The following GALNT16 variants were observed in gnomAD, a reference collection of about 807,000 sequenced individuals.
GALNT16 encodes polypeptide N-acetylgalactosaminyltransferase 16, also known as UDP-GalNAc:polypeptide N-acetylgalactosaminyltransferase-like protein 1.
A neutral mutation model predicts 76.1 loss-of-function variants in GALNT16; 40 were observed. That is an observed-to-expected ratio of 0.53 (90% CI 0.41 to 0.68). The LOEUF is 0.68. Among genes scored for constraint, GALNT16 ranks in the 30% least tolerant of loss-of-function variants. The pLI, the probability that GALNT16 is intolerant of heterozygous loss-of-function variation, is 0.00. For missense variants in GALNT16, 621 were observed against 731.9 expected (o/e 0.85, Z 1.75); for synonymous variants, 276 against 285.2 (o/e 0.97, Z 0.32).
chr14:69,377,733 G>GGAGATT, the GALNT16 span, among the ~76,000 whole-genome samples: 1 of 143,066 alleles, frequency 7.0e-6, no homozygotes, highest in Admixed American at 7.5e-5. Context: ...CCTGAGCCTG[G>GGAGATT]GAGATTGAGG....
Position 69,333,704 on chromosome 14 carries a change from A to C in GALNT16, c.967+104A>C. 1 of 670,462 alleles carries C rather than the reference A, an allele frequency of 1.5e-6. No homozygotes were observed. The highest frequency in any genetic ancestry group is 1.7e-5 in the South Asian group (1 of 58,590). The allele number at this position is 670,462 out of a possible 1,614,324, so 41.5% of individuals were successfully genotyped here. ...CGTGAGGACCTGCTCTAAGGACTTTACACACATGAGGTCATTTAATTCTCT... is the reference window on the plus strand; with the variant it reads ...CGTGAGGACCTGCTCTAAGGACTTTCCACACATGAGGTCATTTAATTCTCT... On this transcript the variant is annotated intron_variant, in intron 9 of 14. Coordinates refer to ENST00000448469, the MANE Select transcript of GALNT16 (RefSeq NM_001168368.2). This position sits in a 1 kb window ranked among gnomAD's most constrained non-coding sequence, Gnocchi z 4.2.
At chr14:69,274,912 G>A (rs1346323321) in intron 1 of GALNT16, among the ~76,000 whole-genome samples, 5 of 152,154 alleles carry the variant, frequency 3.3e-5, no homozygotes, top group Non-Finnish European at 4.4e-5. Flanking sequence ...CTTGCCAACA[G>A]AGCCAGGATT....
At chr14:69,340,588 G>A (rs550960130) in intron 11 of GALNT16, among the ~76,000 whole-genome samples, 8 of 151,790 alleles carry the variant, frequency 5.3e-5, no homozygotes, top group African/African-American at 1.7e-4. Context: ...GGGTTCAAGC[G>A]ATTCTCCTGC....
intron 1 of GALNT16, 112 bp from the exon 2 acceptor site, chr14:69,320,599 T>C: frequency 1.2e-6 from 1 of 822,072 alleles, no homozygotes; most frequent in Non-Finnish European, 2.0e-6. Context: ...AGAGTTGGCG[T>C]AAGGCACAAA....
chr14:69,338,063 C>T (rs571611523), intron 9 of GALNT16, among the ~76,000 whole-genome samples: 1 of 152,226 alleles, frequency 6.6e-6, no homozygotes, highest in Non-Finnish European at 1.5e-5. Flanking sequence ...TCTCCCGACA[C>T]CACTGGGGAC....
chr14:69,270,747 G>A (rs1480164152), intron 1 of GALNT16, among the ~76,000 whole-genome samples: 2 of 152,220 alleles, frequency 1.3e-5, no homozygotes, highest in Non-Finnish European at 2.9e-5. Context: ...CTCTCCCTGT[G>A]GAAGTTCTCA....
At chr14:69,327,432 A>T (rs2045300034) in intron 5 of GALNT16, among the ~76,000 whole-genome samples, 1 of 152,242 alleles carries the variant, frequency 6.6e-6, no homozygotes, top group South Asian at 2.1e-4. Context: ...AGACCTTCAA[A>T]CCAGAATGGA....
At position 69,333,418 on chromosome 14, in the gene GALNT16, T is replaced by C. The variant is rs2045381127; in HGVS notation, c.864-79T>C. On this transcript the variant is annotated intron_variant, in intron 8 of 14. Transcript: ENST00000448469. This position sits in a 1 kb window ranked among gnomAD's most constrained non-coding sequence, Gnocchi z 4.2. Reference sequence around the variant, plus strand: ...CAGGGAGGGATCTAGAGGCAGACGGTCTTGGGTCCTGGGGCCATCTAAAGG... The same window carrying C: ...CAGGGAGGGATCTAGAGGCAGACGGCCTTGGGTCCTGGGGCCATCTAAAGG... 2.8e-5 allele frequency: 24 copies of C among 863,512 alleles called. No individual in the cohort carries two copies. The highest frequency in any genetic ancestry group is 3.9e-6 in the Non-Finnish European group (2 of 509,590). 53.5% of individuals were successfully genotyped at this position (863,512 alleles called of 1,614,324 possible). A position where few individuals can be genotyped will look rare whatever the true frequency, so the allele number is the denominator to read the frequency against.
chr14:69,372,933 A>G, the GALNT16 span, among the ~76,000 whole-genome samples: 1 of 152,182 alleles, frequency 6.6e-6, no homozygotes, highest in African/African-American at 2.4e-5. Context: ...GGGATTTGCA[A>G]AATAATTGGG....
At chr14:69,283,170 G>A (rs2044566601) in intron 1 of GALNT16, among the ~76,000 whole-genome samples, 1 of 152,196 alleles carries the variant, frequency 6.6e-6, no homozygotes, top group Admixed American at 6.5e-5. Flanking sequence ...TCAATAAAAT[G>A]AGCATGATTA....
intron 2 of GALNT16, among the ~76,000 whole-genome samples, chr14:69,322,104 G>A (rs560478243): frequency 5.4e-4 from 82 of 152,358 alleles, no homozygotes; most frequent in Non-Finnish European, 9.6e-4. Context: ...ACAGGGCTGG[G>A]GGAGCCCCAG....
In GALNT16 at chr14:69,333,754, A is replaced by G. The variant is rs1222066991; in HGVS notation, c.967+154A>G. ...TCAAGGACCCTCTGAGGTAAGTACC[A>G]TGATCTCCATTTTACTGATTTTAAA... On this transcript the variant is annotated intron_variant, in intron 9 of 14. Transcript: ENST00000448469. This position sits in a 1 kb window ranked among gnomAD's most constrained non-coding sequence, Gnocchi z 4.2. The G allele has an allele frequency of 1.2e-5, 7 of 571,976 alleles. No homozygotes were observed. The allele number at this position is 571,976 out of a possible 1,614,324, so 35.4% of individuals were successfully genotyped here.
At chr14:69,328,714 C>T in intron 6 of GALNT16, 143 bp downstream of exon 6, 2 of 730,298 alleles carry the variant, frequency 2.7e-6, no homozygotes, top group East Asian at 2.8e-5. Flanking sequence ...AGTGACTTCA[C>T]CTTATTGAGT....
downstream of GALNT16, chr14:69,356,723 T>A (rs1044401451): frequency 2.0e-4 from 10 of 49,818 alleles, no homozygotes; most frequent in African/African-American, 6.3e-4. Context: ...GCCCAGCTAA[T>A]TTTTTTTGTA....
chr14:69,312,310 G>GA (rs1245015121), intron 1 of GALNT16, among the ~76,000 whole-genome samples: 1 of 152,156 alleles, frequency 6.6e-6, no homozygotes, highest in Non-Finnish European at 1.5e-5. Context: ...TACTGACTGT[G>GA]AAATACCTGA....
At chr14:69,336,458 C>G (rs911430392) in intron 9 of GALNT16, among the ~76,000 whole-genome samples, 14 of 152,298 alleles carry the variant, frequency 9.2e-5, no homozygotes, top group African/African-American at 3.1e-4. Flanking sequence ...CCTCTAGGGA[C>G]CTGCCCTTGC....
the GALNT16 span, among the ~76,000 whole-genome samples, chr14:69,382,794 G>GA: frequency 0.37 from 44,649 of 119,862 alleles, 6,974 homozygotes; most frequent in Middle Eastern, 0.48. Flanking sequence ...ATCTCCAAAA[G>GA]AAAAAAAAAA....
chr14:69,312,098 TATC>T (rs1239588457), intron 1 of GALNT16, among the ~76,000 whole-genome samples: 1 of 151,398 alleles, frequency 6.6e-6, no homozygotes, highest in Non-Finnish European at 1.5e-5. Context: ...TCTATCTATC[TATC>T]TATATCTATC....
At chr14:69,367,535 C>T in the GALNT16 span, among the ~76,000 whole-genome samples, 1 of 151,024 alleles carries the variant, frequency 6.6e-6, no homozygotes, top group Non-Finnish European at 1.5e-5. Context: ...TGGAGCAATA[C>T]ATTTCTGTTG....
Sources: gnomAD v4.1 joint callset for allele counts (sites outside exome capture counted in the v4.1 genomes callset) on GRCh38, gnomAD v4.1.1 for gene constraint, Gnocchi (gnomAD v3.1) non-coding constraint, MANE v1.5 for transcripts, NCBI Gene and HGNC (gene_info 2026-07-23, HGNC 2026-07-21) for gene names.